Variants in VGLL3 observed in about 807,000 individuals in gnomAD.
VGLL3 encodes vestigial like family member 3, also known as transcription cofactor vestigial-like protein 3.
VGLL3 carries 18 observed loss-of-function variants against 29.2 expected under a neutral mutation model. The observed-to-expected ratio is 0.62, with a 90% CI of 0.43 to 0.91. The LOEUF (loss-of-function observed/expected upper bound fraction) is 0.91, where lower values mean the gene tolerates loss of function less well. VGLL3 is among the 40% of genes least tolerant of loss of function. VGLL3 has a pLI of 0.00. For missense variants in VGLL3, 440 were observed against 413.2 expected, an observed-to-expected ratio of 1.06 and a Z score of -0.56; for synonymous variants, 180 against 151.8, an observed-to-expected ratio of 1.19 and a Z score of -1.36.
rs57427070 is a variant in VGLL3, at chr3:86,953,411, GAC to G, written c.938-6346_938-6345del. Among the ~76,000 whole-genome samples, 666 of 149,526 alleles carry G rather than the reference GAC, an allele frequency of 4.5e-3. 2 individuals are homozygous for G. The highest frequency in any genetic ancestry group is 0.014 in the African/African-American group (582 of 40,992). On this transcript the variant is annotated intron_variant, in intron 3 of 3. Coordinates refer to ENST00000398399, the MANE Select transcript of VGLL3 (RefSeq NM_016206.4). ...TCTATAGATGTACATCTTTTAGATA[GAC>G]ACACACACACACACACACGGGTGTA...
rs1704486557 is a variant in VGLL3 at position 86,945,401 on chromosome 3, A to G, written c.*1623T>C. 1 of 152,188 alleles carries G rather than the reference A, an allele frequency of 6.6e-6. No individual in the cohort carries two copies. The highest frequency in any genetic ancestry group is 2.1e-4 in the South Asian group (1 of 4,832). The allele number at this position is 152,188 out of a possible 1,614,324, so 9.4% of individuals were successfully genotyped here. ...TAGAAAGTGGCATTTCACTGAACAT[A>G]CTATTTTATGTGGGTGGAGAGAAAA... On this transcript the variant is annotated 3_prime_UTR_variant, in exon 4 of 4. Coordinates refer to ENST00000398399, the MANE Select transcript of VGLL3 (RefSeq NM_016206.4).
intron 1 of VGLL3, among the ~76,000 whole-genome samples, chr3:86,988,248 C>T (rs1705492874): frequency 6.6e-6 from 1 of 152,042 alleles, no homozygotes; most frequent in Non-Finnish European, 1.5e-5. Context: ...TTTTCCTTCT[C>T]CAAAAATCAA....
rs1559726561 is a variant in VGLL3, at chr3:86,966,772, T to TATATATATATATA, written c.937+1817_937+1818insTATATATATATAT. Among the ~76,000 whole-genome samples the TATATATATATATA allele has an allele frequency of 2.1e-3, 102 of 47,640 alleles. 4 individuals carry two copies. The highest frequency in any genetic ancestry group is 6.2e-3 in the African/African-American group (98 of 15,728). 31.3% of individuals were successfully genotyped at this position (47,640 alleles called of 152,430 possible). On this transcript the variant is annotated intron_variant, in intron 3 of 3. Coordinates refer to ENST00000398399, the MANE Select transcript of VGLL3 (RefSeq NM_016206.4). The stretch of plus-strand genomic sequence containing the variant: ...AGAACTTAAAGTAATAGTGTGTGTG[T>TATATATATATATA]GTATATATATATATATATATATATA...
At position 86,990,908 on chromosome 3, in the gene VGLL3, G is replaced by C. The variant is rs1236398780; in HGVS notation, c.-165C>G. 5.4e-6 allele frequency: 6 copies of C among 1,113,158 alleles called. No individual in the cohort carries two copies. In the African/African-American group the frequency reaches 8.3e-5, roughly 15 times the overall value. 69.0% of individuals were successfully genotyped at this position (1,113,158 alleles called of 1,614,324 possible). On this transcript the variant is annotated 5_prime_UTR_variant, in exon 1 of 4. Transcript: ENST00000398399. Reference sequence around the variant, plus strand: ...GGCCTCGGGCTCCGCGCGGGGCGCGGGGTCGGGAGGGACTGGCAATCAGCG... The same window carrying C: ...GGCCTCGGGCTCCGCGCGGGGCGCGCGGTCGGGAGGGACTGGCAATCAGCG...
In VGLL3 at chr3:86,969,032, T is replaced by A. The variant is rs756759715; in HGVS notation, c.495A>T (p.Gly165=). ...CAGTGACCTGGAAGTCAGGATGAAC[T>A]CCCCCCAAACAAGGTGCAGGTGGGG... ...YQPPPAPCLG[G]VHPDFQVTGP... is the part of the protein sequence containing the mutation. Residue 165 remains glycine (G), a synonymous_variant, in exon 3 of 4, where the codon GGA becomes GGT. Coordinates refer to ENST00000398399, the MANE Select transcript of VGLL3 (RefSeq NM_016206.4). 6.2e-7 allele frequency: 1 copy of A among 1,613,442 alleles called. No homozygotes were observed. The highest frequency in any genetic ancestry group is 1.1e-5 in the South Asian group (1 of 91,026).
intron 3 of VGLL3, among the ~76,000 whole-genome samples, chr3:86,963,416 T>C (rs1039531778): frequency 6.6e-6 from 1 of 152,178 alleles, no homozygotes; most frequent in African/African-American, 2.4e-5. Flanking sequence ...AGACTAATAT[T>C]TGCCAGGCAT....
rs1197124035 is a variant in VGLL3 at position 86,939,234 on chromosome 3, A to G, written c.*7790T>C. 6.6e-6 allele frequency: 1 copy of G among 152,238 alleles called. No individual in the cohort carries two copies. Among genetic ancestry groups the G allele is most frequent in the Non-Finnish European group, 1.5e-5 (1 of 68,052 alleles). The allele number at this position is 152,238 out of a possible 1,614,324, so 9.4% of individuals were successfully genotyped here. On this transcript the variant is annotated 3_prime_UTR_variant, in exon 4 of 4. Transcript: ENST00000398399. ...GAGTGATAGAAAATGATGGAAGTCC[A>G]ATACTAATTGTTGTAGGTAGAATAA...
At chr3:86,989,097 C>T (rs56346369) in intron 1 of VGLL3, among the ~76,000 whole-genome samples, 13,225 of 152,144 alleles carry the variant, frequency 0.087, 1,544 homozygotes, top group African/African-American at 0.26. Flanking sequence ...AAAAGTGTTA[C>T]AGTATTAACT....
rs1705571652 is a variant in VGLL3 at position 86,990,856 on chromosome 3, C to T, written c.-113G>A. ...GCCGCCTCTGTCGCTGCTCCAGCTG[C>T]TACTGCGGCGAAGGCGGGTCCTCGG... On this transcript the variant is annotated 5_prime_UTR_variant, in exon 1 of 4. Coordinates refer to ENST00000398399, the MANE Select transcript of VGLL3 (RefSeq NM_016206.4). The T allele has an allele frequency of 1.7e-6, 2 of 1,163,480 alleles. No homozygotes were observed. The highest frequency in any genetic ancestry group is 2.1e-6 in the Non-Finnish European group (2 of 936,346). The allele number at this position is 1,163,480 out of a possible 1,614,324, so 72.1% of individuals were successfully genotyped here.
At position 86,942,769 on chromosome 3, in the gene VGLL3, A is replaced by T. The variant is rs1181525083; in HGVS notation, c.*4255T>A. 2 of 152,228 alleles carry T rather than the reference A, an allele frequency of 1.3e-5. No homozygotes were observed. The highest frequency in any genetic ancestry group is 6.5e-5 in the Admixed American group (1 of 15,274). The allele number at this position is 152,228 out of a possible 1,614,324, so 9.4% of individuals were successfully genotyped here. A position where few individuals can be genotyped will look rare whatever the true frequency, so the allele number is the denominator to read the frequency against. ...TCAGCTAATTAAGAAACGTACATTTATCTCCTATACCAGGTAGAAGGAACA... is the reference window on the plus strand; with the variant it reads ...TCAGCTAATTAAGAAACGTACATTTTTCTCCTATACCAGGTAGAAGGAACA... On this transcript the variant is annotated 3_prime_UTR_variant, in exon 4 of 4. Transcript: ENST00000398399.
chr3:86,946,263 C>A lies in VGLL3; in HGVS notation c.*761G>T, dbSNP rs1029417754. 3 of 151,978 alleles carry A rather than the reference C, an allele frequency of 2.0e-5. No homozygotes were observed. Among genetic ancestry groups the A allele is most frequent in the Non-Finnish European group, 4.4e-5 (3 of 67,996 alleles). The allele number at this position is 151,978 out of a possible 1,614,324, so 9.4% of individuals were successfully genotyped here. A position where few individuals can be genotyped will look rare whatever the true frequency, so the allele number is the denominator to read the frequency against. ...GGGAGAAATCAAAGCAATAAAATATCATTTCTTTAGCACAGTCATTAAAAA... is the reference window on the plus strand; with the variant it reads ...GGGAGAAATCAAAGCAATAAAATATAATTTCTTTAGCACAGTCATTAAAAA... On this transcript the variant is annotated 3_prime_UTR_variant, in exon 4 of 4. Coordinates refer to ENST00000398399, the MANE Select transcript of VGLL3 (RefSeq NM_016206.4).
chr3:86,971,275 G>A (rs369848177), intron 2 of VGLL3, among the ~76,000 whole-genome samples: 1 of 152,284 alleles, frequency 6.6e-6, no homozygotes, highest in African/African-American at 2.4e-5. Flanking sequence ...CATTACTGTG[G>A]TGTGTGAACA....
intron 3 of VGLL3, among the ~76,000 whole-genome samples, chr3:86,958,777 G>A (rs1704778058): frequency 6.6e-6 from 1 of 151,972 alleles, no homozygotes; most frequent in Non-Finnish European, 1.5e-5. Flanking sequence ...TCTCAAAGAT[G>A]GTTTCCATTA....
Position 86,990,639 on chromosome 3 carries a change from C to T in VGLL3, c.105G>A (p.Pro35=). Residue 35 remains proline, a synonymous_variant, in exon 1 of 4, where the codon CCG becomes CCA. Transcript: ENST00000398399. ...ATTCPTAYYQ[P]APQPGQQKKL... is the part of the protein sequence containing the mutation. The stretch of plus-strand genomic sequence containing the variant: ...TCACCTGCTGGCCAGGTTGGGGCGC[C>T]GGCTGATAGTAGGCTGTGGGGCAGG... 2.9e-6 allele frequency: 4 copies of T among 1,371,112 alleles called. No homozygotes were observed. The highest frequency in any genetic ancestry group is 3.0e-5 in the African/African-American group (2 of 66,834). 84.9% of individuals were successfully genotyped at this position (1,371,112 alleles called of 1,614,324 possible).
chr3:86,939,253 A>G lies in VGLL3; in HGVS notation c.*7771T>C, dbSNP rs1223871981. On this transcript the variant is annotated 3_prime_UTR_variant, in exon 4 of 4. Coordinates refer to ENST00000398399, the MANE Select transcript of VGLL3 (RefSeq NM_016206.4). The stretch of plus-strand genomic sequence containing the variant: ...AAGTCCAATACTAATTGTTGTAGGT[A>G]GAATAATGGCTCCAAGTCCTAATCC... The G allele has an allele frequency of 6.6e-6, 1 of 152,244 alleles. No homozygotes were observed. Among genetic ancestry groups the G allele is most frequent in the Admixed American group, 6.5e-5 (1 of 15,282 alleles). The allele number at this position is 152,244 out of a possible 1,614,324, so 9.4% of individuals were successfully genotyped here.
intron 1 of VGLL3, 123 bp downstream of exon 1, chr3:86,990,495 C>T (rs1046274154): frequency 7.9e-7 from 1 of 1,272,936 alleles, no homozygotes; most frequent in South Asian, 3.6e-5. Flanking sequence ...CTCAAGGACG[C>T]TCCCGCAGAT....
intron 3 of VGLL3, among the ~76,000 whole-genome samples, chr3:86,967,239 T>C (rs1704983761): frequency 6.6e-6 from 1 of 152,150 alleles, no homozygotes; most frequent in Non-Finnish European, 1.5e-5. Context: ...TGAAGGCAGC[T>C]GCCAAATTGG....
chr3:86,968,955 T>C lies in VGLL3; in HGVS notation c.572A>G (p.Asn191Ser), dbSNP rs1575870964. 2 of 1,613,804 alleles carry C rather than the reference T, an allele frequency of 1.2e-6. No homozygotes were observed. Among genetic ancestry groups the C allele is most frequent in the South Asian group, 1.1e-5 (1 of 91,060 alleles). ...AADPSPWPGHNLHQTGPAPPP... is the reference protein window; with the variant it reads ...AADPSPWPGHSLHQTGPAPPP... ...AGGGGCTGGGCCAGTCTGATGCAGG[T>C]TGTGTCCCGGCCAAGGACTGGGATC... Residue 191 changes from asparagine to serine, a missense_variant, in exon 3 of 4, where the codon AAC becomes AGC. By Grantham distance (46) the Asn-to-Ser change is conservative. Coordinates refer to ENST00000398399, the MANE Select transcript of VGLL3 (RefSeq NM_016206.4).
chr3:86,951,443 C>G (rs1391007797), intron 3 of VGLL3, among the ~76,000 whole-genome samples: 5 of 152,096 alleles, frequency 3.3e-5, no homozygotes, highest in Non-Finnish European at 7.4e-5. Flanking sequence ...GCCCTCATGA[C>G]CTAATCACCT....
Sources: gnomAD v4.1 joint callset for allele counts (sites outside exome capture counted in the v4.1 genomes callset) on GRCh38, gnomAD v4.1.1 for gene constraint, MANE v1.5 for transcripts, NCBI Gene and HGNC (gene_info 2026-07-23, HGNC 2026-07-21) for gene names.